The following ZNF112 variants were observed in gnomAD, a reference collection of about 807,000 sequenced individuals.
ZNF112 encodes zinc finger protein 112, also known as zinc finger protein 112 (Y14).
Under a neutral mutation model 77.7 loss-of-function variants are expected in ZNF112, and 37 were observed. The observed-to-expected ratio is 0.48, with a 90% CI of 0.37 to 0.63. ZNF112 has a LOEUF of 0.63. Among genes scored for constraint, ZNF112 ranks in the 20% least tolerant of loss-of-function variants. The pLI is 0.00. For synonymous variants in ZNF112, 333 were observed against 363.6 expected (o/e 0.92, Z 0.96); for missense variants, 950 against 1,077.4 (o/e 0.88, Z 1.66).
upstream of ZNF112, among the ~76,000 whole-genome samples, chr19:44,359,148 T>C (rs191955239): frequency 6.6e-6 from 1 of 152,124 alleles, no homozygotes; most frequent in East Asian, 1.9e-4. Flanking sequence ...CAGCCCAACA[T>C]TGACCTCTCC....
At chr19:44,351,593 A>G (rs1970692495) in intron 1 of ZNF112, among the ~76,000 whole-genome samples, 1 of 152,102 alleles carries the variant, frequency 6.6e-6, no homozygotes, top group Admixed American at 6.6e-5. Context: ...TATATCTTAA[A>G]TTTTGTCAAT....
At chr19:44,339,705 T>A (rs140450183) in intron 2 of ZNF112, among the ~76,000 whole-genome samples, 129 of 152,236 alleles carry the variant, frequency 8.5e-4, no homozygotes, top group Middle Eastern at 6.8e-3. Context: ...TTTCAGTGAG[T>A]TCTGTGAGTC....
chr19:44,351,696 A>G (rs1970695719), intron 1 of ZNF112, among the ~76,000 whole-genome samples: 1 of 152,052 alleles, frequency 6.6e-6, no homozygotes, highest in Non-Finnish European at 1.5e-5. Flanking sequence ...CTGGGCCTAA[A>G]AAAATAGGTT....
At chr19:44,333,322 C>G (rs1970304855) in intron 3 of ZNF112, among the ~76,000 whole-genome samples, 1 of 152,162 alleles carries the variant, frequency 6.6e-6, no homozygotes, top group Non-Finnish European at 1.5e-5. Context: ...TCAGGTTACC[C>G]AGGCTGAGAT....
At chr19:44,350,721 A>C (rs2123204322) in intron 1 of ZNF112, among the ~76,000 whole-genome samples, 1 of 152,246 alleles carries the variant, frequency 6.6e-6, no homozygotes, top group Non-Finnish European at 1.5e-5. Context: ...ATCTGAGCCC[A>C]AACTTCAGAA....
In ZNF112 at chr19:44,347,485, A is replaced by ATT. The variant is rs757226424; in HGVS notation, c.-3-6945_-3-6944dup. On this transcript the variant is annotated intron_variant, in intron 1 of 3. Coordinates refer to ENST00000354340, the MANE Select transcript of ZNF112 (RefSeq NM_013380.4). ...CCTTTTTCTGCCTTCTTTTGGGTTG[A>ATT]TTTTTTTTTTTTTTTTTTTTTACTA... Among the ~76,000 whole-genome samples the ATT allele has an allele frequency of 6.4e-3, 258 of 40,300 alleles. 5 individuals carry two copies. The highest frequency in any genetic ancestry group is 0.012 in the African/African-American group (173 of 13,914). 26.4% of individuals were successfully genotyped at this position (40,300 alleles called of 152,430 possible). A position where few individuals can be genotyped will look rare whatever the true frequency, so the allele number is the denominator to read the frequency against.
Position 44,340,421 on chromosome 19 carries a change from A to G in ZNF112, c.119T>C (p.Leu40Ser). The change falls in exon 2 of 4, where the codon TTA (leucine) becomes TCA (serine). Residue 40 changes from leucine (L) to serine (S), a missense_variant. This residue lies in a region of ZNF112 where 560 missense variants were observed against 557.3 expected (regional missense o/e 1.00). Transcript: ENST00000354340. The part of the protein sequence containing the change: ...VMLENFRNLL[L>S]VAHQPFKPDL... ...CTAAGGGCACCTATCCTCACCTACT[A>G]AGAGCAGGTTCCTGAAGTTCTCCAG... 6.2e-7 allele frequency: 1 copy of G among 1,613,862 alleles called. No homozygotes were observed. The highest frequency in any genetic ancestry group is 8.5e-7 in the Non-Finnish European group (1 of 1,179,882).
At chr19:44,336,327 C>A (rs374796161) in intron 3 of ZNF112, among the ~76,000 whole-genome samples, 1 of 152,104 alleles carries the variant, frequency 6.6e-6, no homozygotes, top group African/African-American at 2.4e-5. Flanking sequence ...GAGAGAAAAG[C>A]AAGTCAAGGA....
At chr19:44,330,443 A>G (rs1282763297) in intron 3 of ZNF112, among the ~76,000 whole-genome samples, 5 of 152,130 alleles carry the variant, frequency 3.3e-5, no homozygotes, top group African/African-American at 1.2e-4. Context: ...GCTTAGTAAA[A>G]CCATAAACAT....
At position 44,328,746 on chromosome 19, in the gene ZNF112, T is replaced by C; in HGVS notation, c.1411A>G (p.Ser471Gly). 2 of 1,614,084 alleles carry C rather than the reference T, an allele frequency of 1.2e-6. No homozygotes were observed. Among genetic ancestry groups the C allele is most frequent in the African/African-American group, 2.7e-5 (2 of 75,046 alleles). ...KEQPYKRYVC[S>G]NSFSHNLYLQ... is the part of the protein sequence containing the mutation. ...TATAAATTATGGCTGAAGCTGTTAC[T>C]ACACACATAGCGTTTATATGGTTGT... The change falls in exon 4 of 4, where the codon AGT (serine) becomes GGT (glycine). Residue 471 changes from serine to glycine, a missense_variant. Ser to Gly is a moderately conservative substitution (Grantham distance 56, BLOSUM62 0). Transcript: ENST00000354340.
In ZNF112 at chr19:44,328,594, G is replaced by A; in HGVS notation, c.1563C>T (p.Cys521=). ...GATTGAAACCTTTGCCGCATATATT[G>A]CATTTGTATGGCTTCTGTCCAGTGT... ...RVHTGQKPYK[C]NICGKGFNHR... Residue 521 remains cysteine (C), a synonymous_variant, in exon 4 of 4, where the codon TGC becomes TGT. Transcript: ENST00000354340. 1.2e-6 allele frequency: 2 copies of A among 1,613,708 alleles called. No individual in the cohort carries two copies. Among genetic ancestry groups the A allele is most frequent in the South Asian group, 2.2e-5 (2 of 91,028 alleles).
intron 1 of ZNF112, among the ~76,000 whole-genome samples, chr19:44,348,680 T>C (rs1313118445): frequency 6.6e-6 from 1 of 152,106 alleles, no homozygotes; most frequent in Non-Finnish European, 1.5e-5. Context: ...CAAAAGAAAT[T>C]AGATGCAGTG....
chr19:44,344,728 G>A (rs1267186392), intron 1 of ZNF112, among the ~76,000 whole-genome samples: 1 of 152,180 alleles, frequency 6.6e-6, no homozygotes, highest in African/African-American at 2.4e-5. Context: ...GATGGATGAG[G>A]ATGGAGAAAA....
chr19:44,361,556 C>T (rs542558022), upstream of ZNF112, among the ~76,000 whole-genome samples: 10 of 152,236 alleles, frequency 6.6e-5, no homozygotes, highest in East Asian at 1.9e-4. Flanking sequence ...GTCAAAGCTA[C>T]GTACTGTAAT....
upstream of ZNF112, among the ~76,000 whole-genome samples, chr19:44,360,369 C>G (rs1431016942): frequency 7.1e-6 from 1 of 140,388 alleles, no homozygotes; most frequent in African/African-American, 2.6e-5. Flanking sequence ...TATAAAAGGG[C>G]AACCTAGGTA....
chr19:44,329,220 T>G lies in ZNF112; in HGVS notation c.937A>C (p.Lys313Gln). ...TCTGTATGCACTCTCTGATAGGATT[T>G]CAGATGTGAATTCTCAATATCATCT... ...REDDIENSHL[K>Q]SYQRVHTEEK... Residue 313 changes from lysine to glutamine, a missense_variant, in exon 4 of 4, where the codon AAA becomes CAA. Coordinates refer to ENST00000354340, the MANE Select transcript of ZNF112 (RefSeq NM_013380.4). 1 of 1,613,876 alleles carries G rather than the reference T, an allele frequency of 6.2e-7. No individual in the cohort carries two copies. The highest frequency in any genetic ancestry group is 1.3e-5 in the African/African-American group (1 of 75,064).
At chr19:44,343,208 C>A (rs1329623005) in intron 1 of ZNF112, 9 of 1,607,802 alleles carry the variant, frequency 5.6e-6, no homozygotes, top group Non-Finnish European at 7.6e-6. Flanking sequence ...CCACTCACTG[C>A]AAAATGAGGT....
At chr19:44,344,110 C>A (rs1438843003) in intron 1 of ZNF112, among the ~76,000 whole-genome samples, 2 of 152,122 alleles carry the variant, frequency 1.3e-5, no homozygotes, top group Non-Finnish European at 2.9e-5. Flanking sequence ...ACTAATGAAA[C>A]CTGTGAGACT....
At position 44,328,856 on chromosome 19, in the gene ZNF112, T is replaced by C; in HGVS notation, c.1301A>G (p.Glu434Gly). Reference protein sequence around the residue: ...LDIQHRVHMEENSYNSEECGN... With the variant: ...LDIQHRVHMEGNSYNSEECGN... Reference sequence around the variant, plus strand: ...ACACTCCTCAGAATTATATGAATTCTCTTCCATATGAACCCTATGCTGAAT... The same window carrying C: ...ACACTCCTCAGAATTATATGAATTCCCTTCCATATGAACCCTATGCTGAAT... Residue 434 changes from glutamate (E) to glycine (G), a missense_variant, in exon 4 of 4, where the codon GAG becomes GGG. Transcript: ENST00000354340. 1 of 1,614,074 alleles carries C rather than the reference T, an allele frequency of 6.2e-7. No individual in the cohort carries two copies. Among genetic ancestry groups the C allele is most frequent in the Non-Finnish European group, 8.5e-7 (1 of 1,179,972 alleles).
Sources: allele counts gnomAD v4.1 joint callset (sites outside exome capture counted in the v4.1 genomes callset), GRCh38; gene constraint gnomAD v4.1.1; regional missense constraint gnomAD v4.1.1; transcripts MANE v1.5; gene names NCBI Gene and HGNC (gene_info 2026-07-23, HGNC 2026-07-21).